Variants in ARHGAP6 observed in about 807,000 individuals in gnomAD.
The protein encoded by ARHGAP6 is rho GTPase-activating protein 6.
ARHGAP6 carries 16 observed loss-of-function variants against 55.7 expected under a neutral mutation model. The observed-to-expected ratio is 0.29, with a 90% CI of 0.19 to 0.44. The LOEUF (loss-of-function observed/expected upper bound fraction) is 0.44, where lower values mean the gene tolerates loss of function less well. Among genes scored for constraint, ARHGAP6 ranks in the 20% least tolerant of loss-of-function variants. The probability of loss-of-function intolerance (pLI) is 1.00; values close to 1 mark genes in which losing one functional copy is unlikely to be tolerated. For missense variants in ARHGAP6, 698 were observed against 808.9 expected (o/e 0.86, Z 1.66); for synonymous variants, 382 against 360.9 (o/e 1.06, Z -0.66).
At chrX:11,209,927 G>C (rs2046766140) in intron 2 of ARHGAP6, among the ~76,000 whole-genome samples, 1 of 111,771 alleles carries the variant, frequency 8.9e-6, no homozygotes, top group Non-Finnish European at 1.9e-5. Context: ...TTTTTTTGAA[G>C]AAAAAATGAC....
intron 1 of ARHGAP6, among the ~76,000 whole-genome samples, chrX:11,418,409 A>G (rs2049780761): frequency 9.0e-6 from 1 of 111,728 alleles, no homozygotes; most frequent in Admixed American, 9.5e-5. Flanking sequence ...ATTTGTGTTG[A>G]TGTGCAATTT....
intron 2 of ARHGAP6, among the ~76,000 whole-genome samples, chrX:11,222,150 C>T (rs1431938713): frequency 1.8e-5 from 2 of 111,734 alleles, no homozygotes; most frequent in Non-Finnish European, 3.8e-5. Context: ...TTAATTGGAT[C>T]CAAAAACTCA....
At position 11,298,277 on chromosome X, in the gene ARHGAP6, G is replaced by T; in HGVS notation, c.589-43570C>A. On this transcript the variant is annotated intron_variant, in intron 1 of 12. Transcript: ENST00000337414. ...AGTGGTACCAGAGCATAAGGCCACCGGTATGTAGACATTTTGTTCCTTATT... is the reference window on the plus strand; with the variant it reads ...AGTGGTACCAGAGCATAAGGCCACCTGTATGTAGACATTTTGTTCCTTATT... 3 of 1,209,523 alleles carry T rather than the reference G, an allele frequency of 2.5e-6. No individual in the cohort carries two copies. The South Asian group carries it at 5.3e-5, about 21-fold the overall frequency.
At chrX:11,507,568 G>A (rs2050746647) in intron 1 of ARHGAP6, among the ~76,000 whole-genome samples, 1 of 111,673 alleles carries the variant, frequency 9.0e-6, no homozygotes, top group Admixed American at 9.5e-5. Context: ...CATGAGTCAG[G>A]AGATTCACTC....
chrX:11,516,269 G>T (rs756838594), intron 1 of ARHGAP6, among the ~76,000 whole-genome samples: 1 of 111,362 alleles, frequency 9.0e-6, no homozygotes, highest in African/African-American at 3.3e-5. Flanking sequence ...TATAAAATTT[G>T]CCATTTTAAC....
rs113239937 is a variant in ARHGAP6 at position 11,139,265 on chromosome X, C to T, written c.2523G>A (p.Leu841=). 1,593 of 1,194,955 alleles carry T rather than the reference C, an allele frequency of 1.3e-3. 1 individual carries two copies. The highest frequency in any genetic ancestry group is 1.6e-3 in the Non-Finnish European group (1,454 of 888,138). Residue 841 remains leucine, a synonymous_variant, in exon 13 of 13, where the codon TTG becomes TTA. Coordinates refer to ENST00000337414, the MANE Select transcript of ARHGAP6 (RefSeq NM_013427.3). ...ERPTARSEQY[L]TLSGAHDLSE... is the part of the protein sequence containing the mutation. Reference sequence around the variant, plus strand: ...TGAGGTCGTGGGCGCCGCTCAGGGTCAAGTACTGCTCCGACCTGGCCGTGG... The same window carrying T: ...TGAGGTCGTGGGCGCCGCTCAGGGTTAAGTACTGCTCCGACCTGGCCGTGG...
At chrX:11,390,864 T>G (rs1203169811) in intron 1 of ARHGAP6, among the ~76,000 whole-genome samples, 1 of 112,083 alleles carries the variant, frequency 8.9e-6, no homozygotes, top group Middle Eastern at 4.6e-3. Flanking sequence ...ACACTGTTGG[T>G]GGGACTGTAA....
intron 1 of ARHGAP6, among the ~76,000 whole-genome samples, chrX:11,514,916 A>C (rs936595945): frequency 1.8e-5 from 2 of 110,146 alleles, no homozygotes; most frequent in African/African-American, 6.6e-5. Flanking sequence ...CCTACTATCC[A>C]TTCCCATGAG....
chrX:11,552,660 C>T (rs1456420198), intron 1 of ARHGAP6, among the ~76,000 whole-genome samples: 3 of 86,889 alleles, frequency 3.5e-5, no homozygotes, highest in Non-Finnish European at 6.6e-5. Context: ...AGAAAGAAAT[C>T]CTACCATTTG....
At chrX:11,356,041 T>C (rs1263912112) in intron 1 of ARHGAP6, among the ~76,000 whole-genome samples, 4 of 111,711 alleles carry the variant, frequency 3.6e-5, no homozygotes, top group African/African-American at 9.8e-5. Flanking sequence ...GCTGGAATGA[T>C]GTTTTATTCT....
At chrX:11,208,294 A>G (rs1426436118) in intron 2 of ARHGAP6, among the ~76,000 whole-genome samples, 2 of 110,482 alleles carry the variant, frequency 1.8e-5, no homozygotes, top group Non-Finnish European at 3.8e-5. Context: ...CCAGGGGGGA[A>G]TTCATTCTAA....
intron 1 of ARHGAP6, among the ~76,000 whole-genome samples, chrX:11,564,651 A>C (rs1343275121): frequency 8.9e-6 from 1 of 112,059 alleles, no homozygotes; most frequent in African/African-American, 3.2e-5. Context: ...TTCTACGAGG[A>C]ATAAACCAGA....
At chrX:11,315,236 T>C (rs1219989634) in intron 1 of ARHGAP6, among the ~76,000 whole-genome samples, 1 of 112,385 alleles carries the variant, frequency 8.9e-6, no homozygotes, top group East Asian at 2.8e-4. Context: ...GAAGACAACT[T>C]TTCCACAGAC....
intron 8 of ARHGAP6, among the ~76,000 whole-genome samples, chrX:11,174,895 G>A (rs1319795225): frequency 9.2e-6 from 1 of 108,111 alleles, no homozygotes; most frequent in African/African-American, 3.4e-5. Context: ...GTTTCACCAT[G>A]TTAGCCAGGA....
intron 2 of ARHGAP6, among the ~76,000 whole-genome samples, chrX:11,239,153 T>C (rs190082741): frequency 9.5e-4 from 106 of 111,509 alleles, no homozygotes; most frequent in African/African-American, 3.3e-3. Context: ...CATAATAGCA[T>C]TGAGGTTATG....
At chrX:11,499,473 C>T (rs1390223378) in intron 1 of ARHGAP6, among the ~76,000 whole-genome samples, 2 of 111,749 alleles carry the variant, frequency 1.8e-5, no homozygotes, top group Non-Finnish European at 3.8e-5. Context: ...TCCTGTATTT[C>T]TCCACTCCTT....
intron 1 of ARHGAP6, among the ~76,000 whole-genome samples, chrX:11,392,508 T>A (rs759147563): frequency 1.8e-5 from 2 of 112,039 alleles, no homozygotes; most frequent in East Asian, 5.6e-4. Flanking sequence ...CTATTGGTCT[T>A]GGGAGAGAGA....
intron 1 of ARHGAP6, among the ~76,000 whole-genome samples, chrX:11,448,564 A>C (rs981410711): frequency 5.4e-5 from 6 of 111,236 alleles, no homozygotes; most frequent in African/African-American, 2.0e-4. Context: ...GCACCACTTA[A>C]AGTTACCTCT....
intron 6 of ARHGAP6, 78 bp from the exon 7 acceptor site, chrX:11,179,530 G>A: frequency 9.1e-7 from 1 of 1,098,809 alleles, no homozygotes; most frequent in Non-Finnish European, 1.2e-6. Flanking sequence ...GAAGTGCTGT[G>A]ACACGTAGCA....
Sources: gnomAD v4.1 joint callset for allele counts (sites outside exome capture counted in the v4.1 genomes callset) on GRCh38, gnomAD v4.1.1 for gene constraint, MANE v1.5 for transcripts, NCBI Gene and HGNC (gene_info 2026-07-23, HGNC 2026-07-21) for gene names.